The following PARVB variants were observed in gnomAD, a reference collection of about 807,000 sequenced individuals.
PARVB encodes the protein parvin beta.
A neutral mutation model predicts 47.0 loss-of-function variants in PARVB; 46 were observed. That is an observed-to-expected ratio of 0.98 (90% CI 0.77 to 1.25). PARVB has a LOEUF of 1.25. Ranked by LOEUF, PARVB falls within the 50% of genes most tolerant of loss-of-function variation. PARVB has a pLI of 0.00. For synonymous variants in PARVB, 196 were observed against 196.3 expected (o/e 1.00, Z 0.01); for missense variants, 473 against 471.6 (o/e 1.00, Z -0.03).
intron 1 of PARVB, among the ~76,000 whole-genome samples, chr22:44,028,325 G>T (rs547725854): frequency 6.6e-5 from 10 of 151,436 alleles, no homozygotes; most frequent in South Asian, 2.1e-4. Flanking sequence ...TTGTTTTTTT[G>T]GTTTTTGTTT....
At position 44,107,298 on chromosome 22, in the gene PARVB, G is replaced by A. The variant is rs369290133; in HGVS notation, c.273+7175G>A. On this transcript the variant is annotated intron_variant, in intron 3 of 12. Coordinates refer to ENST00000338758, the MANE Select transcript of PARVB (RefSeq NM_013327.5). ...CTGAATGCTGCCCAGGCAACTAGAG[G>A]TTTATAGATGAGATACTTTAAATTT... is the stretch of plus-strand genomic sequence containing the variant. The A allele has an allele frequency of 4.6e-5, 7 of 152,364 alleles. No individual in the cohort carries two copies. The South Asian group carries it at 1.0e-3, about 23-fold the overall frequency. The allele number at this position is 152,364 out of a possible 1,614,324, so 9.4% of individuals were successfully genotyped here. A position where few individuals can be genotyped will look rare whatever the true frequency, so the allele number is the denominator to read the frequency against.
chr22:44,100,023 C>G, intron 2 of PARVB, 30 bp from the exon 3 acceptor site: 1 of 1,602,358 alleles, frequency 6.2e-7, no homozygotes, highest in African/African-American at 1.3e-5. Context: ...CCCACAATCG[C>G]TGACCGTGAC....
chr22:44,151,864 G>A (rs2053818177), intron 10 of PARVB: 1 of 298,224 alleles, frequency 3.4e-6, no homozygotes, highest in Admixed American at 4.3e-5. Flanking sequence ...TGAGGGAGGA[G>A]CTGTTCCTGG....
chr22:44,061,876 C>T lies in PARVB; in HGVS notation c.113-32052C>T, dbSNP rs549483242. 3.3e-5 allele frequency among the ~76,000 whole-genome samples: 5 copies of T among 152,252 alleles called. No individual in the cohort carries two copies. The South Asian group carries it at 8.3e-4, about 25-fold the overall frequency. ...AGGCGATCCACCCGCTTTGGCCTCC[C>T]GAAGTGCTGGGATTACAGGTGTGAG... On this transcript the variant is annotated intron_variant, in intron 1 of 12. Coordinates refer to ENST00000338758, the MANE Select transcript of PARVB (RefSeq NM_013327.5).
At position 44,049,158 on chromosome 22, in the gene PARVB, A is replaced by C. The variant is rs2051164622; in HGVS notation, c.112+24707A>C. 6.6e-6 allele frequency among the ~76,000 whole-genome samples: 1 copy of C among 152,176 alleles called. No individual in the cohort carries two copies. Among genetic ancestry groups the C allele is most frequent in the South Asian group, 2.1e-4 (1 of 4,834 alleles). Reference sequence around the variant, plus strand: ...TGAAAATGAGTCTCATTTTACGATGAGGAAACTGAGGCCCTGAGAGAGGGT... The same window carrying C: ...TGAAAATGAGTCTCATTTTACGATGCGGAAACTGAGGCCCTGAGAGAGGGT... On this transcript the variant is annotated intron_variant, in intron 1 of 12. Transcript: ENST00000338758. This position sits in a 1 kb window ranked among gnomAD's most constrained non-coding sequence, Gnocchi z 4.0.
At chr22:44,004,138 AAAC>A (rs2050439999) in intron 2 of PARVB, among the ~76,000 whole-genome samples, 1 of 152,202 alleles carries the variant, frequency 6.6e-6, no homozygotes, top group South Asian at 2.1e-4. Flanking sequence ...AGTGAGAAAA[AAAC>A]AATCAAACTA....
chr22:44,142,677 G>A (rs1378801773), intron 8 of PARVB: 1 of 152,206 alleles, frequency 6.6e-6, no homozygotes, highest in East Asian at 1.9e-4. Context: ...AGAGCCAGGT[G>A]TCACATGTGA....
At chr22:44,052,136 A>C (rs2051221533) in intron 1 of PARVB, among the ~76,000 whole-genome samples, 1 of 152,218 alleles carries the variant, frequency 6.6e-6, no homozygotes, top group African/African-American at 2.4e-5. Flanking sequence ...ACAGGATGCG[A>C]ATACAGTCAC....
intron 7 of PARVB, 70 bp from the exon 8 acceptor site, chr22:44,140,054 C>CTTTCTGGCTGGCTCTGTCCCTCATCCTCT: frequency 6.3e-7 from 1 of 1,587,634 alleles, no homozygotes; most frequent in Non-Finnish European, 8.6e-7. Flanking sequence ...CCTCATCCTC[C>CTTTCTGGCTGGCTCTGTCCCTCATCCTCT]ATTGTGCTGC....
intron 10 of PARVB, among the ~76,000 whole-genome samples, chr22:44,156,744 A>G (rs2053943813): frequency 6.6e-6 from 1 of 152,234 alleles, no homozygotes; most frequent in Non-Finnish European, 1.5e-5. Flanking sequence ...TAAATTAATT[A>G]AAGAGAAAGG....
At chr22:44,020,861 A>T (rs1171816999), upstream of PARVB, among the ~76,000 whole-genome samples, 1 of 151,144 alleles carries the variant, frequency 6.6e-6, no homozygotes, top group African/African-American at 2.4e-5. Context: ...GCTCACTGCA[A>T]CCTCCACCTC....
intron 1 of PARVB, among the ~76,000 whole-genome samples, chr22:44,026,802 A>G (rs2050737824): frequency 7.7e-6 from 1 of 129,678 alleles, no homozygotes; most frequent in Non-Finnish European, 1.6e-5. Flanking sequence ...TGGCTCCGAC[A>G]TGTTCCTGAG....
At chr22:44,149,327 A>G (rs2053752655) in intron 9 of PARVB, 2 of 152,178 alleles carry the variant, frequency 1.3e-5, no homozygotes, top group African/African-American at 4.8e-5. Context: ...AGAAGACAGA[A>G]TCCTTTGATT....
At chr22:44,058,568 T>C (rs1255185558) in intron 1 of PARVB, among the ~76,000 whole-genome samples, 1 of 148,544 alleles carries the variant, frequency 6.7e-6, no homozygotes, top group Non-Finnish European at 1.5e-5. Context: ...TTTTTTTTTT[T>C]TTTTGAGATG....
At chr22:44,094,647 G>T (rs1000324472) in intron 2 of PARVB, among the ~76,000 whole-genome samples, 3 of 151,098 alleles carry the variant, frequency 2.0e-5, no homozygotes, top group Non-Finnish European at 4.4e-5. Flanking sequence ...GTGCCACCCC[G>T]CCCACCTAAC....
rs956109219 is a variant in PARVB at position 43,999,850 on chromosome 22, A to C, written c.211+177A>C. 1.5e-3 allele frequency among the ~76,000 whole-genome samples: 228 copies of C among 149,344 alleles called. 1 individual carries two copies. Among genetic ancestry groups the C allele is most frequent in the African/African-American group, 5.5e-3 (216 of 39,418 alleles). On this transcript the variant is annotated intron_variant, in intron 2 of 13. Coordinates refer to the PARVB transcript ENST00000406477. ...CATCTATATGAAAAAAAAAAAAAAA[A>C]AAAAAAAACAGCTGGGTGTGGTGGC... is the stretch of plus-strand genomic sequence containing the variant.
At chr22:44,156,834 A>G (rs896979084) in intron 10 of PARVB, among the ~76,000 whole-genome samples, 1 of 152,170 alleles carries the variant, frequency 6.6e-6, no homozygotes, top group Non-Finnish European at 1.5e-5. Flanking sequence ...AAATTCATAG[A>G]GACAGAGAGC....
intron 2 of PARVB, among the ~76,000 whole-genome samples, chr22:44,017,413 A>G (rs375173937): frequency 1.6e-4 from 24 of 152,320 alleles, no homozygotes; most frequent in African/African-American, 2.9e-4. Context: ...CATTTAACAT[A>G]GGATTCCATC....
intron 2 of PARVB, among the ~76,000 whole-genome samples, chr22:44,011,219 C>T (rs746561221): frequency 2.0e-5 from 3 of 152,186 alleles, no homozygotes; most frequent in Non-Finnish European, 4.4e-5. Flanking sequence ...AGTGATCCTC[C>T]TGCCTCAGCC....
Sources: allele counts gnomAD v4.1 joint callset (sites outside exome capture counted in the v4.1 genomes callset), GRCh38; gene constraint gnomAD v4.1.1; non-coding constraint Gnocchi (gnomAD v3.1); transcripts MANE v1.5; gene names NCBI Gene and HGNC (gene_info 2026-07-23, HGNC 2026-07-21).